Variants in TAOK1 observed in about 807,000 individuals in gnomAD.
TAOK1 encodes TAO kinase 1.
Under a neutral mutation model 138.3 loss-of-function variants are expected in TAOK1, and 21 were observed. That is an observed-to-expected ratio of 0.15 (90% confidence interval 0.11 to 0.22). The LOEUF (loss-of-function observed/expected upper bound fraction) is 0.22. TAOK1 is among the 10% of genes least tolerant of loss of function. The pLI, the probability that TAOK1 is intolerant of heterozygous loss-of-function variation, is 1.00. For missense variants in TAOK1, 651 were observed against 1,227.7 expected (o/e 0.53, Z 7.02); for synonymous variants, 361 against 398.4 (o/e 0.91, Z 1.12).
chr17:29,530,673 A>G, intron 18 of TAOK1, 54 bp downstream of exon 18: 2 of 1,435,214 alleles, frequency 1.4e-6, no homozygotes, highest in Non-Finnish European at 2.0e-6. Flanking sequence ...TTCTTCCACC[A>G]CCTGAACGAA....
chr17:29,498,709 G>A (rs576410178), intron 12 of TAOK1, among the ~76,000 whole-genome samples, 188 bp downstream of exon 12: 1 of 152,276 alleles, frequency 6.6e-6, no homozygotes, highest in East Asian at 1.9e-4. Flanking sequence ...CTTGAGGCCA[G>A]GAGTTCAAGA....
chr17:29,494,694 C>T (rs763645597), intron 10 of TAOK1, among the ~76,000 whole-genome samples: 34 of 151,552 alleles, frequency 2.2e-4, no homozygotes, highest in Non-Finnish European at 4.4e-4. Flanking sequence ...GGTGTGGTGG[C>T]GGGCTCCTCT....
chr17:29,430,707 C>T (rs1905799658), intron 1 of TAOK1, among the ~76,000 whole-genome samples: 2 of 152,292 alleles, frequency 1.3e-5, no homozygotes, highest in Admixed American at 6.5e-5. Context: ...CCCTATTCTC[C>T]TGCCTCATCT....
intron 2 of TAOK1, among the ~76,000 whole-genome samples, chr17:29,457,095 T>TC (rs2030400715): frequency 2.3e-5 from 2 of 88,328 alleles, no homozygotes; most frequent in African/African-American, 8.6e-5. Context: ...TTTTCTTTTT[T>TC]TTTTTTTTTT....
intron 1 of TAOK1, among the ~76,000 whole-genome samples, chr17:29,415,197 G>A (rs564160373): frequency 1.3e-5 from 2 of 152,086 alleles, no homozygotes; most frequent in Non-Finnish European, 2.9e-5. Context: ...CTGAACTCCT[G>A]AGCTCAAGCG....
chr17:29,501,238 A>AG (rs1404060948), intron 12 of TAOK1, among the ~76,000 whole-genome samples: 24 of 142,326 alleles, frequency 1.7e-4, no homozygotes, highest in Non-Finnish European at 1.5e-4. Context: ...AAAAAAAAAA[A>AG]AAAAGAAAAG....
chr17:29,412,039 TTC>T (rs1050466609), intron 1 of TAOK1, among the ~76,000 whole-genome samples: 4 of 151,492 alleles, frequency 2.6e-5, no homozygotes, highest in South Asian at 2.1e-4. Context: ...CTCTCTCTCT[TTC>T]TCTCTCTCTT....
chr17:29,497,153 G>T (rs565752526), intron 11 of TAOK1, among the ~76,000 whole-genome samples: 2 of 151,224 alleles, frequency 1.3e-5, no homozygotes, highest in African/African-American at 4.9e-5. Flanking sequence ...TCTTTGCCCC[G>T]TCAGAATTCA....
Position 29,493,713 on chromosome 17 carries a change from T to C in TAOK1, c.832-1847T>C, listed in dbSNP as rs1007318914. Among the ~76,000 whole-genome samples, 7 of 152,242 alleles carry C rather than the reference T, an allele frequency of 4.6e-5. No homozygotes were observed. The East Asian group carries it at 1.2e-3, about 25-fold the overall frequency. On this transcript the variant is annotated intron_variant, in intron 10 of 19. Transcript: ENST00000261716. ...GGAAATAGTTATCATGAGCTTCTTA[T>C]CTTTTGGACTAATTACATTTCTGTT...
chr17:29,524,588 A>G (rs2031976006), intron 17 of TAOK1, among the ~76,000 whole-genome samples: 1 of 152,248 alleles, frequency 6.6e-6, no homozygotes, highest in Non-Finnish European at 1.5e-5. Flanking sequence ...CCTGTTAGGA[A>G]AGAAAAATCA....
At chr17:29,417,116 C>T (rs1207778260) in intron 1 of TAOK1, among the ~76,000 whole-genome samples, 2 of 152,086 alleles carry the variant, frequency 1.3e-5, no homozygotes, top group Non-Finnish European at 2.9e-5. Context: ...TGGGTTCAAG[C>T]AATTCTGCCT....
intron 11 of TAOK1, among the ~76,000 whole-genome samples, chr17:29,495,971 AAC>A (rs939126182): frequency 3.9e-5 from 6 of 152,184 alleles, no homozygotes; most frequent in Non-Finnish European, 2.9e-5. Context: ...CTCTAAATCC[AAC>A]CCCTTTATGG....
In TAOK1 at chr17:29,491,532, A is replaced by T. The variant is rs563207882; in HGVS notation, c.750-252A>T. Among the ~76,000 whole-genome samples the T allele has an allele frequency of 3.9e-5, 6 of 152,292 alleles. No individual in the cohort carries two copies. The East Asian group carries it at 7.7e-4, about 20-fold the overall frequency. On this transcript the variant is annotated intron_variant, in intron 9 of 19. Transcript: ENST00000261716. ...CATTTTGCCTCGATATAGTAATATG[A>T]GTTGTGATATTTAAATATGTAGGAG...
rs1181798959 is a variant in TAOK1, at chr17:29,543,095, A to G, written c.*73A>G. The G allele has an allele frequency of 1.5e-6, 2 of 1,328,122 alleles. No individual in the cohort carries two copies. The highest frequency in any genetic ancestry group is 2.0e-6 in the Non-Finnish European group (2 of 978,428). 82.3% of individuals were successfully genotyped at this position (1,328,122 alleles called of 1,614,324 possible). On this transcript the variant is annotated 3_prime_UTR_variant, in exon 20 of 20. Coordinates refer to ENST00000261716, the MANE Select transcript of TAOK1 (RefSeq NM_020791.4). ...AACTGCCTACAGACATCATCACAGCAGCCTCCTCACTTGGGTACTACAGTG... is the reference window on the plus strand; with the variant it reads ...AACTGCCTACAGACATCATCACAGCGGCCTCCTCACTTGGGTACTACAGTG...
At chr17:29,420,897 T>A (rs1905420655) in intron 1 of TAOK1, among the ~76,000 whole-genome samples, 3 of 150,476 alleles carry the variant, frequency 2.0e-5, no homozygotes, top group Admixed American at 1.3e-4. Context: ...ATACTTAATC[T>A]TTTATCATTG....
chr17:29,409,308 C>CATATATATAT (rs1183993280), intron 1 of TAOK1, among the ~76,000 whole-genome samples: 43 of 79,492 alleles, frequency 5.4e-4, no homozygotes, highest in African/African-American at 2.0e-3. Context: ...TTTTTATGGA[C>CATATATATAT]ATATATATAT....
chr17:29,458,414 C>G (rs776580006), intron 2 of TAOK1, among the ~76,000 whole-genome samples: 2 of 152,222 alleles, frequency 1.3e-5, no homozygotes. Flanking sequence ...TGCTCTTTAT[C>G]GTCTCCAACA....
intron 17 of TAOK1, among the ~76,000 whole-genome samples, chr17:29,529,300 A>AT (rs1270476859): frequency 6.6e-6 from 1 of 152,114 alleles, no homozygotes; most frequent in Non-Finnish European, 1.5e-5. Context: ...AAAAAATTTA[A>AT]TTTTCTAAGC....
At chr17:29,538,037 G>A (rs1048343935) in intron 19 of TAOK1, among the ~76,000 whole-genome samples, 2 of 151,308 alleles carry the variant, frequency 1.3e-5, no homozygotes, top group African/African-American at 4.9e-5. Flanking sequence ...GCTTCAACCT[G>A]GGAGGCAGAG....
Sources: gnomAD v4.1 joint callset for allele counts (sites outside exome capture counted in the v4.1 genomes callset) on GRCh38, gnomAD v4.1.1 for gene constraint, MANE v1.5 for transcripts, NCBI Gene and HGNC (gene_info 2026-07-23, HGNC 2026-07-21) for gene names.